The following PCNT variants were observed in gnomAD, a reference collection of about 807,000 sequenced individuals.
PCNT encodes the protein kendrin.
PCNT carries 319 observed loss-of-function variants against 380.4 expected under a neutral mutation model. The ratio of observed to expected loss-of-function variants is 0.84; its 90% CI spans 0.77 to 0.92. The LOEUF (loss-of-function observed/expected upper bound fraction) is 0.92, where lower values mean the gene tolerates loss of function less well. Ranked by LOEUF, PCNT falls within the 40% of genes least tolerant of loss-of-function variation. PCNT has a pLI of 0.00. For synonymous variants in PCNT, 1,845 were observed against 1,735.2 expected (o/e 1.06, Z -1.57); for missense variants, 4,400 against 4,255.3 (o/e 1.03, Z -0.95).
rs1489073363 is a variant in PCNT at position 46,358,997 on chromosome 21, A to G, written c.2154+1806A>G. Among the ~76,000 whole-genome samples, 3 of 150,772 alleles carry G rather than the reference A, an allele frequency of 2.0e-5. No individual in the cohort carries two copies. In the East Asian group the frequency reaches 5.8e-4, roughly 29 times the overall value. ...TTTTTTTTTTGTATCTTTAGTAGAGACGAGGTTTCACCGTGTTAGCCAGGA... is the reference window on the plus strand; with the variant it reads ...TTTTTTTTTTGTATCTTTAGTAGAGGCGAGGTTTCACCGTGTTAGCCAGGA... On this transcript the variant is annotated intron_variant, in intron 13 of 46. Transcript: ENST00000359568.
At chr21:46,324,606 G>C (rs1407806859) in intron 1 of PCNT, among the ~76,000 whole-genome samples, 2 of 150,588 alleles carry the variant, frequency 1.3e-5, no homozygotes, top group South Asian at 2.1e-4. Flanking sequence ...ACGCCGGGGC[G>C]GGGTGTGGCT....
intron 41 of PCNT, 98 bp from the exon 42 acceptor site, chr21:46,439,985 G>C: frequency 6.7e-7 from 1 of 1,482,972 alleles, no homozygotes; most frequent in Non-Finnish European, 9.4e-7. Flanking sequence ...TGGCCTCCCC[G>C]CACATGGCCT....
intron 6 of PCNT, 80 bp from the exon 7 acceptor site, chr21:46,348,930 CAG>C: frequency 1.0e-6 from 1 of 974,024 alleles, no homozygotes. Flanking sequence ...CTGGCCTGCT[CAG>C]AGGTTTTGAC....
intron 21 of PCNT, among the ~76,000 whole-genome samples, chr21:46,392,655 C>T (rs113765590): frequency 1.7e-4 from 26 of 152,336 alleles, no homozygotes; most frequent in African/African-American, 6.3e-4. Flanking sequence ...CTCGTGTTGA[C>T]ATCTGGGTCC....
rs2083396819 is a variant in PCNT, at chr21:46,326,433, G to C, written c.111G>C (p.Lys37Asn). 1.2e-6 allele frequency: 2 copies of C among 1,614,258 alleles called. No individual in the cohort carries two copies. Among genetic ancestry groups the C allele is most frequent in the Non-Finnish European group, 1.7e-6 (2 of 1,180,048 alleles). Reference sequence around the variant, plus strand: ...GTGACAGTTCGCATTCGGAGAAAAAGACGGCGAAGAGGAAGGGCTCGGCTG... The same window carrying C: ...GTGACAGTTCGCATTCGGAGAAAAACACGGCGAAGAGGAAGGGCTCGGCTG... ...TKGDSSHSEKKTAKRKGSAVD... is the reference protein window; with the variant it reads ...TKGDSSHSEKNTAKRKGSAVD... The change falls in exon 2 of 47, where the codon AAG (lysine) becomes AAC (asparagine). Residue 37 changes from lysine (K) to asparagine (N), a missense_variant. Coordinates refer to ENST00000359568, the MANE Select transcript of PCNT (RefSeq NM_006031.6).
chr21:46,377,546 AG>A, intron 15 of PCNT, among the ~76,000 whole-genome samples: 1 of 152,312 alleles, frequency 6.6e-6, no homozygotes, highest in African/African-American at 2.4e-5. Flanking sequence ...CTTAGAGCTG[AG>A]AAAAGTTTAT....
Position 46,357,188 on chromosome 21 carries a change from G to C in PCNT, c.2151G>C (p.Glu717Asp). The change falls in exon 13 of 47, where the codon GAG (glutamate) becomes GAC (aspartate). Residue 717 changes from glutamate to aspartate, a missense_variant. Physicochemically the swap from Glu to Asp is conservative, Grantham distance 45. Coordinates refer to ENST00000359568, the MANE Select transcript of PCNT (RefSeq NM_006031.6). ...QHETRLKDDL[E>D]KVKHNLIEDH... ...AAACTCGTCTGAAGGACGATTTGGAGAAGGTGAGTCGTGACTCCACAGCCC... is the reference window on the plus strand; with the variant it reads ...AAACTCGTCTGAAGGACGATTTGGACAAGGTGAGTCGTGACTCCACAGCCC... The C allele has an allele frequency of 6.2e-7, 1 of 1,606,880 alleles. No individual in the cohort carries two copies. Among genetic ancestry groups the C allele is most frequent in the Middle Eastern group, 1.7e-4 (1 of 6,056 alleles).
chr21:46,402,304 A>G lies in PCNT; in HGVS notation c.4963-27A>G, dbSNP rs759254188. The G allele has an allele frequency of 2.0e-6, 3 of 1,491,210 alleles. No individual in the cohort carries two copies. In the African/African-American group the frequency reaches 4.2e-5, roughly 21 times the overall value. The allele number at this position is 1,491,210 out of a possible 1,614,324, so 92.4% of individuals were successfully genotyped here. The stretch of plus-strand genomic sequence containing the variant: ...AATAGAATATTAGATGACTTTTAAT[A>G]CTTTTCTTCTTTTGTTTTAATGAAA... On this transcript the variant is annotated intron_variant, in intron 26 of 46. Transcript: ENST00000359568.
chr21:46,345,257 G>A (rs1169510505), intron 3 of PCNT, among the ~76,000 whole-genome samples: 1 of 152,014 alleles, frequency 6.6e-6, no homozygotes, highest in Non-Finnish European at 1.5e-5. Flanking sequence ...TCGCTCTGTT[G>A]CCCAGGATGG....
rs1244934809 is a variant in PCNT at position 46,366,728 on chromosome 21, G to C, written c.2754G>C (p.Glu918Asp). The part of the protein sequence containing the change: ...HQQQLLSVTA[E>D]LEARHQAALG... ...AGCAGCTCCTGTCAGTGACGGCGGAGCTCGAGGCCAGACACCAGGCCGCGT... is the reference window on the plus strand; with the variant it reads ...AGCAGCTCCTGTCAGTGACGGCGGACCTCGAGGCCAGACACCAGGCCGCGT... Residue 918 changes from glutamate (E) to aspartate (D), a missense_variant, in exon 15 of 47, where the codon GAG becomes GAC. Coordinates refer to ENST00000359568, the MANE Select transcript of PCNT (RefSeq NM_006031.6). 7 of 1,613,624 alleles carry C rather than the reference G, an allele frequency of 4.3e-6. No individual in the cohort carries two copies. In the South Asian group the frequency reaches 7.7e-5, roughly 18 times the overall value.
intron 33 of PCNT, among the ~76,000 whole-genome samples, chr21:46,427,359 C>G (rs2087550953): frequency 6.6e-6 from 1 of 152,198 alleles, no homozygotes; most frequent in Non-Finnish European, 1.5e-5. Flanking sequence ...TTGATTTCAC[C>G]TGTTGTGGCA....
At position 46,346,856 on chromosome 21, in the gene PCNT, G is replaced by A. The variant is rs1173140114; in HGVS notation, c.834G>A (p.Thr278=). The A allele has an allele frequency of 6.2e-6, 10 of 1,608,090 alleles. No individual in the cohort carries two copies. Among genetic ancestry groups the A allele is most frequent in the Admixed American group, 1.7e-5 (1 of 59,172 alleles). ...AGAAGGAGAAGGAGACGGCATTGACGGAGCTGCGGGAGATGCTCAACAGCC... is the reference window on the plus strand; with the variant it reads ...AGAAGGAGAAGGAGACGGCATTGACAGAGCTGCGGGAGATGCTCAACAGCC... ...NLQKEKETAL[T]ELREMLNSRR... The change falls in exon 5 of 47, where the codon ACG becomes ACA. Residue 278 remains threonine (T), a synonymous_variant. Coordinates refer to ENST00000359568, the MANE Select transcript of PCNT (RefSeq NM_006031.6).
Position 46,363,800 on chromosome 21 carries a change from A to G in PCNT, c.2475A>G (p.Glu825=), listed in dbSNP as rs771707826. The G allele has an allele frequency of 6.2e-7, 1 of 1,613,406 alleles. No individual in the cohort carries two copies. Among genetic ancestry groups the G allele is most frequent in the Non-Finnish European group, 8.5e-7 (1 of 1,179,574 alleles). Residue 825 remains glutamate (E), a synonymous_variant, in exon 14 of 47, where the codon GAA becomes GAG. Coordinates refer to ENST00000359568, the MANE Select transcript of PCNT (RefSeq NM_006031.6). The part of the protein sequence containing the change: ...TEQQGRLQQL[E]QDLTSDDALH... Reference sequence around the variant, plus strand: ...AGCAGGGCCGCCTGCAGCAGCTGGAACAGGACCTCACTTCAGACGACGCCC... The same window carrying G: ...AGCAGGGCCGCCTGCAGCAGCTGGAGCAGGACCTCACTTCAGACGACGCCC...
At chr21:46,334,333 A>G in intron 2 of PCNT, 64 bp from the exon 3 acceptor site, 3 of 1,611,862 alleles carry the variant, frequency 1.9e-6, no homozygotes, top group Non-Finnish European at 1.7e-6. Context: ...GGAGCTGGGA[A>G]GGGCCTGAGG....
chr21:46,401,692 CAGAG>C lies in PCNT; in HGVS notation c.4936_4939del (p.Arg1646HisfsTer12). Reference sequence around the variant, plus strand: ...TCCAGAAATACAGTTAGAGGTGACACAGAGAGCACTCCTGCGGCGCGAGAGCGAG... The same window carrying C: ...TCCAGAAATACAGTTAGAGGTGACACAGCACTCCTGCGGCGCGAGAGCGAG... On this transcript the variant is annotated frameshift_variant, in exon 26 of 47. Transcript: ENST00000359568. LOFTEE classifies it high-confidence loss of function. The C allele has an allele frequency of 6.2e-7, 1 of 1,614,044 alleles. No individual in the cohort carries two copies. The highest frequency in any genetic ancestry group is 8.5e-7 in the Non-Finnish European group (1 of 1,180,004).
At chr21:46,365,528 TTCACTGCCGTGGGGTTCTGA>T (rs1394633597) in intron 14 of PCNT, among the ~76,000 whole-genome samples, 92 of 139,408 alleles carry the variant, frequency 6.6e-4, no homozygotes, top group Non-Finnish European at 9.7e-4. Context: ...TGGGGTTCTA[TTCACTGCCGTGGGGTTCTGA>T]TCACTGCCGT....
chr21:46,359,733 T>C (rs1054664268), intron 13 of PCNT, among the ~76,000 whole-genome samples: 17 of 112,744 alleles, frequency 1.5e-4, no homozygotes, highest in Middle Eastern at 4.6e-3. Flanking sequence ...ATGATCTGCC[T>C]GCCTCAGCCT....
intron 17 of PCNT, among the ~76,000 whole-genome samples, chr21:46,387,194 G>C (rs1029214527): frequency 7.2e-5 from 11 of 152,232 alleles, no homozygotes; most frequent in African/African-American, 2.7e-4. Context: ...ATTGGTGTCT[G>C]TCATGCTGAG....
Position 46,411,330 on chromosome 21 carries a change from C to T in PCNT, c.5257C>T (p.Leu1753=), listed in dbSNP as rs886057185. ...AGTCATTGAGAAGCTGCAGCACGAG[C>T]TGTCCCTCATGGGGCCTGTGGTGCA... is the stretch of plus-strand genomic sequence containing the variant. ...HEVIEKLQHE[L]SLMGPVVHEV... Residue 1753 remains leucine, a synonymous_variant, in exon 28 of 47, where the codon CTG becomes TTG. Transcript: ENST00000359568. 6.2e-7 allele frequency: 1 copy of T among 1,614,200 alleles called. No individual in the cohort carries two copies.
Sources: allele counts gnomAD v4.1 joint callset (sites outside exome capture counted in the v4.1 genomes callset), GRCh38; gene constraint gnomAD v4.1.1; transcripts MANE v1.5; gene names NCBI Gene and HGNC (gene_info 2026-07-23, HGNC 2026-07-21).